Variants in GSK3B observed in about 807,000 individuals in gnomAD.
GSK3B encodes the protein glycogen synthase kinase 3 beta.
Under a neutral mutation model 56.4 loss-of-function variants are expected in GSK3B, and 15 were observed. That is an observed-to-expected ratio of 0.27 (90% confidence interval 0.18 to 0.41). The LOEUF (loss-of-function observed/expected upper bound fraction) is 0.41, where lower values mean the gene tolerates loss of function less well. Ranked by LOEUF, GSK3B falls within the 10% of genes least tolerant of loss-of-function variation. The pLI, the probability that GSK3B is intolerant of heterozygous loss-of-function variation, is 1.00. For synonymous variants in GSK3B, 181 were observed against 188.9 expected (o/e 0.96, Z 0.34); for missense variants, 300 against 513.4 (o/e 0.58, Z 4.02).
At chr3:119,957,413 G>A (rs1247139891) in intron 2 of GSK3B, among the ~76,000 whole-genome samples, 2 of 152,156 alleles carry the variant, frequency 1.3e-5, no homozygotes, top group Non-Finnish European at 2.9e-5. Context: ...TGAACTAAGG[G>A]AATAACGGAC....
rs67881446 is a variant in GSK3B, at chr3:119,826,303, C to T, written c.*485G>A. ...TAATTTTACAAGTGACATTTAAGTC[C>T]CCGTTGAGTTATACCTGCTAAGCTC... is the stretch of plus-strand genomic sequence containing the variant. On this transcript the variant is annotated 3_prime_UTR_variant, in exon 11 of 11. Transcript: ENST00000264235. The T allele has an allele frequency of 3.1e-5, 9 of 286,814 alleles. No homozygotes were observed. Among genetic ancestry groups the T allele is most frequent in the African/African-American group, 1.5e-4 (7 of 45,628 alleles). The allele number at this position is 286,814 out of a possible 1,614,324, so 17.8% of individuals were successfully genotyped here.
At chr3:119,868,147 A>G (rs991432697) in intron 8 of GSK3B, among the ~76,000 whole-genome samples, 1 of 152,130 alleles carries the variant, frequency 6.6e-6, no homozygotes, top group Non-Finnish European at 1.5e-5. Flanking sequence ...GAAGGAAAAA[A>G]GAAAGAAAAG....
intron 10 of GSK3B, among the ~76,000 whole-genome samples, chr3:119,835,636 A>T (rs1267787582): frequency 4.6e-5 from 7 of 152,212 alleles, no homozygotes; most frequent in Admixed American, 4.6e-4. Context: ...ATAACTATAC[A>T]CTATATGTTC....
intron 1 of GSK3B, among the ~76,000 whole-genome samples, chr3:120,080,885 T>C (rs1276297080): frequency 3.3e-5 from 5 of 151,900 alleles, no homozygotes; most frequent in Non-Finnish European, 5.9e-5. Flanking sequence ...TACAATTACA[T>C]ACCTAAGTAC....
At chr3:119,862,196 A>G (rs2056113590) in intron 9 of GSK3B, among the ~76,000 whole-genome samples, 1 of 149,990 alleles carries the variant, frequency 6.7e-6, no homozygotes. Flanking sequence ...ATGCAGCCAT[A>G]AAAAATGATG....
intron 9 of GSK3B, among the ~76,000 whole-genome samples, chr3:119,855,936 C>A (rs1420821871): frequency 6.6e-6 from 1 of 152,158 alleles, no homozygotes; most frequent in East Asian, 1.9e-4. Context: ...ATGTAACAAA[C>A]CTGCACGTTG....
chr3:119,930,894 T>C (rs1410269876), intron 3 of GSK3B, among the ~76,000 whole-genome samples: 2 of 152,220 alleles, frequency 1.3e-5, no homozygotes. Context: ...TTCATAATAT[T>C]AACACAGCAG....
At chr3:119,878,492 T>C (rs1052303460) in intron 7 of GSK3B, among the ~76,000 whole-genome samples, 4 of 152,140 alleles carry the variant, frequency 2.6e-5, no homozygotes, top group Non-Finnish European at 5.9e-5. Context: ...CAACTGAAGC[T>C]CTCACCATTG....
In GSK3B at chr3:120,078,615, C is replaced by T. The variant is rs1329295028; in HGVS notation, c.88+14732G>A. Among the ~76,000 whole-genome samples the T allele has an allele frequency of 6.7e-5, 10 of 150,340 alleles. No homozygotes were observed. In the South Asian group the frequency reaches 1.9e-3, roughly 28 times the overall value. On this transcript the variant is annotated intron_variant, in intron 1 of 10. Coordinates refer to ENST00000264235, the MANE Select transcript of GSK3B (RefSeq NM_001146156.2). Reference sequence around the variant, plus strand: ...TTCCCAGGCTGGAGAGCAAGTGGCACGATCTCGGCTCACTACAACCTCTGC... The same window carrying T: ...TTCCCAGGCTGGAGAGCAAGTGGCATGATCTCGGCTCACTACAACCTCTGC...
intron 2 of GSK3B, among the ~76,000 whole-genome samples, chr3:119,985,039 T>C (rs1015209631): frequency 2.6e-5 from 4 of 152,120 alleles, no homozygotes; most frequent in African/African-American, 7.2e-5. Flanking sequence ...GTTCAACATA[T>C]GCAAATCAAC....
chr3:119,967,389 T>A (rs1287092286), intron 2 of GSK3B, among the ~76,000 whole-genome samples: 3 of 152,036 alleles, frequency 2.0e-5, no homozygotes, highest in Admixed American at 6.6e-5. Flanking sequence ...TATCTTTTTT[T>A]TAAAAAAAAG....
chr3:120,026,593 T>C (rs1336812334), intron 1 of GSK3B, among the ~76,000 whole-genome samples: 1 of 146,048 alleles, frequency 6.8e-6, no homozygotes, highest in Non-Finnish European at 1.5e-5. Context: ...TGAGACGGAG[T>C]CTCACTCTGT....
intron 2 of GSK3B, among the ~76,000 whole-genome samples, chr3:119,968,459 C>G (rs1486372237): frequency 6.6e-6 from 1 of 152,180 alleles, no homozygotes; most frequent in Non-Finnish European, 1.5e-5. Flanking sequence ...ACATCACGAG[C>G]AAGTGACATT....
intron 10 of GSK3B, chr3:119,832,986 G>A: frequency 9.1e-6 from 9 of 984,096 alleles, no homozygotes; most frequent in Non-Finnish European, 1.1e-5. Context: ...ATTCTCAAGA[G>A]ATCTGTAAGA....
Position 119,863,501 on chromosome 3 carries a change from T to C in GSK3B, c.1014A>G (p.Ser338=), listed in dbSNP as rs17183904. The C allele has an allele frequency of 9.3e-6, 15 of 1,613,748 alleles. No homozygotes were observed. The Admixed American group carries it at 2.3e-4, about 25-fold the overall frequency. Residue 338 remains serine, a synonymous_variant, in exon 9 of 11, where the codon TCA becomes TCG. Coordinates refer to ENST00000264235, the MANE Select transcript of GSK3B (RefSeq NM_001146156.2). ...TTGGGTCCCGTAATTCATCAAAAAA[T>C]GAATGTGCACAAGCTTCCAGTGGTG... ...RLTPLEACAH[S]FFDELRDPNV...
intron 4 of GSK3B, among the ~76,000 whole-genome samples, chr3:119,921,615 T>G (rs894867652): frequency 6.6e-6 from 1 of 152,198 alleles, no homozygotes; most frequent in Admixed American, 6.5e-5. Flanking sequence ...TGATCCGGTT[T>G]CTTTAGCAAC....
rs529586430 is a variant in GSK3B at position 119,842,511 on chromosome 3, A to G, written c.1195+744T>C. 2.0e-5 allele frequency among the ~76,000 whole-genome samples: 3 copies of G among 152,292 alleles called. No homozygotes were observed. The East Asian group carries it at 5.8e-4, about 29-fold the overall frequency. ...AATTTACATTCGAGGGGAAAAAAAC[A>G]AAAGTGTATTATTTTCAGTAACAAC... On this transcript the variant is annotated intron_variant, in intron 10 of 10. Transcript: ENST00000264235.
At chr3:119,967,436 T>C (rs1165323949) in intron 2 of GSK3B, among the ~76,000 whole-genome samples, 1 of 152,150 alleles carries the variant, frequency 6.6e-6, no homozygotes, top group Non-Finnish European at 1.5e-5. Context: ...ATATGGAAAT[T>C]TGTGTGCACT....
chr3:119,888,295 G>C (rs909803043), intron 7 of GSK3B, among the ~76,000 whole-genome samples: 1 of 152,094 alleles, frequency 6.6e-6, no homozygotes, highest in Non-Finnish European at 1.5e-5. Context: ...CCACGGCAGA[G>C]GAACATAAAT....
Sources: gnomAD v4.1 joint callset for allele counts (sites outside exome capture counted in the v4.1 genomes callset) on GRCh38, gnomAD v4.1.1 for gene constraint, MANE v1.5 for transcripts, NCBI Gene and HGNC (gene_info 2026-07-23, HGNC 2026-07-21) for gene names.